Variants in MEIOC observed in about 807,000 individuals in gnomAD.
The protein encoded by MEIOC is meiosis-specific coiled-coil domain-containing protein MEIOC.
In MEIOC, 9 loss-of-function variants were observed where a neutral mutation model predicts 85.3. The observed-to-expected ratio is 0.11, with a 90% CI of 0.06 to 0.18. The LOEUF (loss-of-function observed/expected upper bound fraction) is 0.18, where lower values mean the gene tolerates loss of function less well. MEIOC is among the 10% of genes least tolerant of loss of function. The pLI is 1.00. For synonymous variants in MEIOC, 365 were observed against 393.7 expected, an observed-to-expected ratio of 0.93 and a Z score of 0.86; for missense variants, 898 against 1,129.4, an observed-to-expected ratio of 0.80 and a Z score of 2.94.
At position 44,674,244 on chromosome 17, in the gene MEIOC, A is replaced by C; in HGVS notation, c.*48A>C. ...ATAAAAAGCTGATAAATATACCAAGACATGCTAAAAATGTTTTAATGAACT... is the reference window on the plus strand; with the variant it reads ...ATAAAAAGCTGATAAATATACCAAGCCATGCTAAAAATGTTTTAATGAACT... On this transcript the variant is annotated 3_prime_UTR_variant, in exon 8 of 8. Coordinates refer to ENST00000409122, the MANE Select transcript of MEIOC (RefSeq NM_001145080.3). The C allele has an allele frequency of 6.7e-7, 1 of 1,497,118 alleles. No individual in the cohort carries two copies. Among genetic ancestry groups the C allele is most frequent in the Non-Finnish European group, 8.9e-7 (1 of 1,123,398 alleles). 92.7% of individuals were successfully genotyped at this position (1,497,118 alleles called of 1,614,324 possible). A position where few individuals can be genotyped will look rare whatever the true frequency, so the allele number is the denominator to read the frequency against.
Position 44,667,190 on chromosome 17 carries a change from C to T in MEIOC, c.1279C>T (p.His427Tyr). Residue 427 changes from histidine to tyrosine, a missense_variant, in exon 5 of 8, where the codon CAC (histidine) becomes TAC (tyrosine). This residue lies in a region of MEIOC where 734 missense variants were observed against 860.1 expected (regional missense o/e 0.85). Coordinates refer to ENST00000409122, the MANE Select transcript of MEIOC (RefSeq NM_001145080.3). ...AACATCAGAATATGGACTAAAACCT[C>T]ACACAGCTTGTCCCGCTAATGATTT... Reference protein sequence around the residue: ...GLTSEYGLKPHTACPANDFAN... With the variant: ...GLTSEYGLKPYTACPANDFAN... 6.2e-7 allele frequency: 1 copy of T among 1,613,884 alleles called. No individual in the cohort carries two copies. Among genetic ancestry groups the T allele is most frequent in the Admixed American group, 1.7e-5 (1 of 60,028 alleles).
rs1300752640 is a variant in MEIOC, at chr17:44,667,250, C to T, written c.1339C>T (p.Pro447Ser). 1 of 1,613,704 alleles carries T rather than the reference C, an allele frequency of 6.2e-7. No homozygotes were observed. The highest frequency in any genetic ancestry group is 1.3e-5 in the African/African-American group (1 of 74,934). The change falls in exon 5 of 8, where the codon CCT (proline) becomes TCT (serine). Residue 447 changes from proline (P) to serine (S), a missense_variant. Around this residue, in one of 2 missense-constraint regions of MEIOC, gnomAD observed 734 missense variants for 860.1 expected, o/e 0.85. Coordinates refer to ENST00000409122, the MANE Select transcript of MEIOC (RefSeq NM_001145080.3). Reference protein sequence around the residue: ...NVTEKQQFAKPDPPHSEYFKS... With the variant: ...NVTEKQQFAKSDPPHSEYFKS... The stretch of plus-strand genomic sequence containing the variant: ...CACAGAAAAGCAACAGTTTGCTAAA[C>T]CTGATCCCCCACATTCTGAGTATTT...
Position 44,667,422 on chromosome 17 carries a change from T to C in MEIOC, c.1511T>C (p.Leu504Ser), listed in dbSNP as rs1235882090. 6.2e-7 allele frequency: 1 copy of C among 1,613,826 alleles called. No homozygotes were observed. Among genetic ancestry groups the C allele is most frequent in the East Asian group, 2.2e-5 (1 of 44,874 alleles). ...AACTTGATGAAATTAAATAGTCATTTAAGTGCAGCTTCAAAAGGTTCTAAC... is the reference window on the plus strand; with the variant it reads ...AACTTGATGAAATTAAATAGTCATTCAAGTGCAGCTTCAAAAGGTTCTAAC... Reference protein sequence around the residue: ...QGNLMKLNSHLSAASKGSNHS... With the variant: ...QGNLMKLNSHSSAASKGSNHS... The change falls in exon 5 of 8, where the codon TTA (leucine) becomes TCA (serine). Residue 504 changes from leucine to serine, a missense_variant. Around this residue, in one of 2 missense-constraint regions of MEIOC, gnomAD observed 734 missense variants for 860.1 expected, o/e 0.85. Transcript: ENST00000409122.
chr17:44,675,419 A>T lies in MEIOC; in HGVS notation c.*1223A>T. 1 of 970,574 alleles carries T rather than the reference A, an allele frequency of 1.0e-6. No homozygotes were observed. The highest frequency in any genetic ancestry group is 1.8e-5 in the African/African-American group (1 of 57,058). 60.1% of individuals were successfully genotyped at this position (970,574 alleles called of 1,614,324 possible). A position where few individuals can be genotyped will look rare whatever the true frequency, so the allele number is the denominator to read the frequency against. On this transcript the variant is annotated 3_prime_UTR_variant, in exon 8 of 8. Coordinates refer to ENST00000409122, the MANE Select transcript of MEIOC (RefSeq NM_001145080.3). Reference sequence around the variant, plus strand: ...ACATTTCTAGCATGAGTTAAACTATAATGTACTGATGAAATTTAATTGAAA... The same window carrying T: ...ACATTTCTAGCATGAGTTAAACTATTATGTACTGATGAAATTTAATTGAAA...
Position 44,675,261 on chromosome 17 carries a change from G to A in MEIOC, c.*1065G>A, listed in dbSNP as rs967844152. 10 of 984,016 alleles carry A rather than the reference G, an allele frequency of 1.0e-5. No individual in the cohort carries two copies. The African/African-American group carries it at 1.4e-4, about 14-fold the overall frequency. The allele number at this position is 984,016 out of a possible 1,614,324, so 61.0% of individuals were successfully genotyped here. A position where few individuals can be genotyped will look rare whatever the true frequency, so the allele number is the denominator to read the frequency against. ...TAGTTGTGTTCATTAGTTTGCTTCT[G>A]TATTTTTTTAAAACTATTGAAAGCT... On this transcript the variant is annotated 3_prime_UTR_variant, in exon 8 of 8. Transcript: ENST00000409122.
chr17:44,673,474 C>A lies in MEIOC; in HGVS notation c.2566C>A (p.Arg856Ser), dbSNP rs1339410866. The change falls in exon 7 of 8, where the codon CGT (arginine) becomes AGT (serine). Residue 856 changes from arginine (R) to serine (S), a missense_variant. Arg to Ser is a moderately radical substitution (Grantham distance 110, BLOSUM62 -1). Transcript: ENST00000409122. ...HLESIHIVQS[R>S]RKDEIVNASN... ...GGAGTCTATTCACATTGTACAGTCA[C>A]GTAGAAAGGATGAAATTGTTAATGC... 1 of 1,551,382 alleles carries A rather than the reference C, an allele frequency of 6.4e-7. No homozygotes were observed. The highest frequency in any genetic ancestry group is 2.4e-5 in the East Asian group (1 of 40,874).
intron 5 of MEIOC, among the ~76,000 whole-genome samples, chr17:44,668,602 A>C (rs1307298336): frequency 6.6e-6 from 1 of 152,216 alleles, no homozygotes; most frequent in Non-Finnish European, 1.5e-5. Context: ...AAGTGTTGGC[A>C]TTACAGATGT....
intron 2 of MEIOC, among the ~76,000 whole-genome samples, chr17:44,658,552 T>G (rs1971800788): frequency 6.6e-6 from 1 of 151,390 alleles, no homozygotes; most frequent in African/African-American, 2.4e-5. Context: ...CCCAGCACTC[T>G]GGGGGGCTGA....
intron 2 of MEIOC, among the ~76,000 whole-genome samples, chr17:44,660,478 C>T (rs370240303): frequency 6.6e-6 from 1 of 152,036 alleles, no homozygotes; most frequent in African/African-American, 2.4e-5. Flanking sequence ...TCAGGTGATC[C>T]GCCCACCTAG....
chr17:44,675,385 T>C lies in MEIOC; in HGVS notation c.*1189T>C. ...TGGTATTATGTGACTCAGAAGATCTTGGGTTTTAACATTTCTAGCATGAGT... is the reference window on the plus strand; with the variant it reads ...TGGTATTATGTGACTCAGAAGATCTCGGGTTTTAACATTTCTAGCATGAGT... On this transcript the variant is annotated 3_prime_UTR_variant, in exon 8 of 8. Coordinates refer to ENST00000409122, the MANE Select transcript of MEIOC (RefSeq NM_001145080.3). 1 of 972,554 alleles carries C rather than the reference T, an allele frequency of 1.0e-6. No homozygotes were observed. Among genetic ancestry groups the C allele is most frequent in the Non-Finnish European group, 1.2e-6 (1 of 818,150 alleles). 60.2% of individuals were successfully genotyped at this position (972,554 alleles called of 1,614,324 possible).
At position 44,674,841 on chromosome 17, in the gene MEIOC, C is replaced by T. The variant is rs1972054606; in HGVS notation, c.*645C>T. The T allele has an allele frequency of 1.0e-6, 1 of 983,716 alleles. No individual in the cohort carries two copies. Among genetic ancestry groups the T allele is most frequent in the South Asian group, 4.7e-5 (1 of 21,272 alleles). The allele number at this position is 983,716 out of a possible 1,614,324, so 60.9% of individuals were successfully genotyped here. A position where few individuals can be genotyped will look rare whatever the true frequency, so the allele number is the denominator to read the frequency against. Reference sequence around the variant, plus strand: ...ATGATAAAAGTGTCAGTGTAAAAACCATGCAAGTTACTGAATATAAAACCT... The same window carrying T: ...ATGATAAAAGTGTCAGTGTAAAAACTATGCAAGTTACTGAATATAAAACCT... On this transcript the variant is annotated 3_prime_UTR_variant, in exon 8 of 8. Coordinates refer to ENST00000409122, the MANE Select transcript of MEIOC (RefSeq NM_001145080.3).
rs1971757503 is a variant in MEIOC at position 44,656,557 on chromosome 17, C to T, written c.-57C>T. ...GGGAGCCGGGCCTGGACGCCCCCCC[C>T]ATCACCCCCGTACCCCAGGAGCTGT... On this transcript the variant is annotated 5_prime_UTR_variant, in exon 1 of 8. Coordinates refer to ENST00000409122, the MANE Select transcript of MEIOC (RefSeq NM_001145080.3). 3.1e-6 allele frequency: 4 copies of T among 1,304,588 alleles called. No individual in the cohort carries two copies. The highest frequency in any genetic ancestry group is 4.0e-6 in the Non-Finnish European group (4 of 1,000,582). The allele number at this position is 1,304,588 out of a possible 1,614,324, so 80.8% of individuals were successfully genotyped here. A position where few individuals can be genotyped will look rare whatever the true frequency, so the allele number is the denominator to read the frequency against.
Position 44,674,696 on chromosome 17 carries a change from G to A in MEIOC, c.*500G>A, listed in dbSNP as rs539691206. On this transcript the variant is annotated 3_prime_UTR_variant, in exon 8 of 8. Transcript: ENST00000409122. The stretch of plus-strand genomic sequence containing the variant: ...ATACCTGGGAAACAAAGGAAAATAC[G>A]GATAAACCCAATATTCATGTACAAA... 12 of 983,364 alleles carry A rather than the reference G, an allele frequency of 1.2e-5. No homozygotes were observed. In the Admixed American group the frequency reaches 1.8e-4, roughly 15 times the overall value. The allele number at this position is 983,364 out of a possible 1,614,324, so 60.9% of individuals were successfully genotyped here.
chr17:44,674,210 G>T lies in MEIOC; in HGVS notation c.*14G>T. 3 of 1,536,012 alleles carry T rather than the reference G, an allele frequency of 2.0e-6. No homozygotes were observed. The highest frequency in any genetic ancestry group is 2.6e-6 in the Non-Finnish European group (3 of 1,138,730). On this transcript the variant is annotated 3_prime_UTR_variant, in exon 8 of 8. Coordinates refer to ENST00000409122, the MANE Select transcript of MEIOC (RefSeq NM_001145080.3). ...AACAAACATTAAGGAAATGCCAGCA[G>T]AAAGAAGAATAAAAAGCTGATAAAT...
In MEIOC at chr17:44,657,268, T is replaced by C; in HGVS notation, c.204+7T>C. ...CGATTGCTACACATCGCAGGTCCTT[T>C]AGTAAACTCTGCCTCTGTTAGACGA... On this transcript the variant is annotated splice_region_variant and intron_variant, in intron 2 of 7. Coordinates refer to ENST00000409122, the MANE Select transcript of MEIOC (RefSeq NM_001145080.3). 2.6e-6 allele frequency: 4 copies of C among 1,550,052 alleles called. No individual in the cohort carries two copies. The South Asian group carries it at 3.6e-5, about 14-fold the overall frequency.
chr17:44,672,545 C>CA (rs1214700530), intron 6 of MEIOC, among the ~76,000 whole-genome samples: 1 of 152,156 alleles, frequency 6.6e-6, no homozygotes, highest in Non-Finnish European at 1.5e-5. Context: ...ATTCTCCAAT[C>CA]AGTGAACACC....
At chr17:44,671,898 T>G (rs2144676281) in intron 6 of MEIOC, among the ~76,000 whole-genome samples, 1 of 115,868 alleles carries the variant, frequency 8.6e-6, no homozygotes, top group Non-Finnish European at 1.8e-5. Context: ...AGAGCAAGAC[T>G]CCGTCTCAAA....
Position 44,669,463 on chromosome 17 carries a change from C to T in MEIOC, c.2403C>T (p.Ser801=). 1.3e-6 allele frequency: 2 copies of T among 1,559,936 alleles called. No homozygotes were observed. The highest frequency in any genetic ancestry group is 8.7e-7 in the Non-Finnish European group (1 of 1,151,228). ...ACACTCCAGTTCCAAGGCTGACTTC[C>T]AACCCATCTAGAGTTGATCGCTTAA... ...TNNTPVPRLT[S]NPSRVDRLIV... is the part of the protein sequence containing the mutation. Residue 801 remains serine, a synonymous_variant, in exon 6 of 8, where the codon TCC becomes TCT. Transcript: ENST00000409122.
rs534195876 is a variant in MEIOC, at chr17:44,674,753, T to A, written c.*557T>A. The A allele has an allele frequency of 4.1e-6, 4 of 977,300 alleles. No homozygotes were observed. The highest frequency in any genetic ancestry group is 3.6e-6 in the Non-Finnish European group (3 of 822,476). The allele number at this position is 977,300 out of a possible 1,614,324, so 60.5% of individuals were successfully genotyped here. On this transcript the variant is annotated 3_prime_UTR_variant, in exon 8 of 8. Coordinates refer to ENST00000409122, the MANE Select transcript of MEIOC (RefSeq NM_001145080.3). ...ATTTAAAATACTATACTACCATATTTATAAATTTGGAATCTTAATGCCTAG... is the reference window on the plus strand; with the variant it reads ...ATTTAAAATACTATACTACCATATTAATAAATTTGGAATCTTAATGCCTAG...
Sources: allele counts gnomAD v4.1 joint callset (sites outside exome capture counted in the v4.1 genomes callset), GRCh38; gene constraint gnomAD v4.1.1; regional missense constraint gnomAD v4.1.1; transcripts MANE v1.5; gene names NCBI Gene and HGNC (gene_info 2026-07-23, HGNC 2026-07-21).